KCNB2: variants seen among roughly 807,000 people sequenced by gnomAD.
The protein encoded by KCNB2 is potassium voltage-gated channel subfamily B member 2.
KCNB2 carries 15 observed loss-of-function variants against 61.5 expected under a neutral mutation model. That is an observed-to-expected ratio of 0.24 (90% CI 0.16 to 0.38). KCNB2 has a LOEUF of 0.38. KCNB2 is among the 10% of genes least tolerant of loss of function. The probability of loss-of-function intolerance (pLI) is 1.00; values close to 1 mark genes in which losing one functional copy is unlikely to be tolerated. For missense variants in KCNB2, 828 were observed against 1,125.2 expected (o/e 0.74, Z 3.78); for synonymous variants, 457 against 446.0 (o/e 1.02, Z -0.31).
At chr8:72,916,328 G>A (rs1228961953) in intron 2 of KCNB2, among the ~76,000 whole-genome samples, 1 of 152,182 alleles carries the variant, frequency 6.6e-6, no homozygotes, top group African/African-American at 2.4e-5. Context: ...CACAGATGCT[G>A]GAACTAGCCA....
intron 2 of KCNB2, among the ~76,000 whole-genome samples, chr8:72,712,036 T>C (rs976833243): frequency 6.6e-6 from 1 of 152,210 alleles, no homozygotes; most frequent in African/African-American, 2.4e-5. Flanking sequence ...TCCTAATGGA[T>C]TACTTATTTA....
chr8:72,837,261 C>T (rs1809798172), intron 2 of KCNB2, among the ~76,000 whole-genome samples: 1 of 152,204 alleles, frequency 6.6e-6, no homozygotes, highest in Non-Finnish European at 1.5e-5. Flanking sequence ...TTCACACTAC[C>T]TGGAGGTCTC....
chr8:72,926,260 A>G (rs73319472), intron 2 of KCNB2, among the ~76,000 whole-genome samples: 7,741 of 152,256 alleles, frequency 0.051, 620 homozygotes, highest in African/African-American at 0.18. Context: ...GTTGAAGGAA[A>G]AAGAGAAAGA....
intron 2 of KCNB2, among the ~76,000 whole-genome samples, chr8:72,717,941 T>G (rs907480663): frequency 1.3e-5 from 2 of 152,024 alleles, no homozygotes; most frequent in Non-Finnish European, 1.5e-5. Flanking sequence ...ATCCAGAATC[T>G]ACAATGAACT....
chr8:72,884,342 A>G (rs1805768126), intron 2 of KCNB2, among the ~76,000 whole-genome samples: 1 of 152,110 alleles, frequency 6.6e-6, no homozygotes, highest in African/African-American at 2.4e-5. Flanking sequence ...GTGCATCACA[A>G]ATAACTTCTC....
chr8:72,694,115 A>G (rs1806981870), intron 2 of KCNB2, among the ~76,000 whole-genome samples: 1 of 152,334 alleles, frequency 6.6e-6, no homozygotes, highest in South Asian at 2.1e-4. Flanking sequence ...TCATAACTAC[A>G]TCATGAACTA....
At chr8:72,715,910 G>A (rs1049139193) in intron 2 of KCNB2, among the ~76,000 whole-genome samples, 5 of 152,136 alleles carry the variant, frequency 3.3e-5, no homozygotes, top group African/African-American at 1.2e-4. Context: ...TTGATAGACT[G>A]CTAGCAAGAC....
At chr8:72,775,579 G>A (rs897714381) in intron 2 of KCNB2, among the ~76,000 whole-genome samples, 1 of 152,084 alleles carries the variant, frequency 6.6e-6, no homozygotes, top group Non-Finnish European at 1.5e-5. Context: ...TGCGTGACTT[G>A]ACTTCGTGAC....
intron 2 of KCNB2, among the ~76,000 whole-genome samples, chr8:72,821,935 A>T (rs947393542): frequency 6.6e-6 from 1 of 152,100 alleles, no homozygotes; most frequent in Non-Finnish European, 1.5e-5. Context: ...CCAGTCAGTT[A>T]CCAAGTCCAG....
intron 1 of KCNB2, among the ~76,000 whole-genome samples, chr8:72,542,629 T>A (rs16938235): frequency 0.14 from 21,237 of 152,116 alleles, 1,862 homozygotes; most frequent in East Asian, 0.48. Context: ...GAGACTCACT[T>A]GAGATACAGA....
At position 72,858,223 on chromosome 8, in the gene KCNB2, T is replaced by C. The variant is rs73686548; in HGVS notation, c.580-77712T>C. Among the ~76,000 whole-genome samples, 511 of 152,342 alleles carry C rather than the reference T, an allele frequency of 3.4e-3. 2 individuals are homozygous for C. Among genetic ancestry groups the C allele is most frequent in the African/African-American group, 0.011 (475 of 41,582 alleles). On this transcript the variant is annotated intron_variant, in intron 2 of 2. Coordinates refer to ENST00000523207, the MANE Select transcript of KCNB2 (RefSeq NM_004770.3). ...ATAAAAATCCACATTTATTACATTCTAGTTCAGATAGATAACATTTTTTAA... is the reference window on the plus strand; with the variant it reads ...ATAAAAATCCACATTTATTACATTCCAGTTCAGATAGATAACATTTTTTAA...
At chr8:72,642,941 G>A (rs1326359120) in intron 2 of KCNB2, among the ~76,000 whole-genome samples, 2 of 152,120 alleles carry the variant, frequency 1.3e-5, no homozygotes, top group Non-Finnish European at 2.9e-5. Context: ...AAAGCTTTTA[G>A]CCTTGTCAAG....
rs769048516 is a variant in KCNB2, at chr8:72,937,287, A to G, written c.1932A>G (p.Gln644=). 6 of 1,613,848 alleles carry G rather than the reference A, an allele frequency of 3.7e-6. No individual in the cohort carries two copies. In the Admixed American group the frequency reaches 6.7e-5, roughly 18 times the overall value. Residue 644 remains glutamine (Q), a synonymous_variant, in exon 3 of 3, where the codon CAA becomes CAG. Transcript: ENST00000523207. ...PTDLPGTEEH[Q]RARGPPFLTL... ...ACCTCCCAGGGACAGAAGAGCACCA[A>G]AGAGCTAGGGGCCCCCCGTTTCTAA...
chr8:72,786,697 C>A (rs749415827), intron 2 of KCNB2, among the ~76,000 whole-genome samples: 1 of 152,114 alleles, frequency 6.6e-6, no homozygotes, highest in Non-Finnish European at 1.5e-5. Flanking sequence ...TCTTCAGGGC[C>A]AGGAGAACTT....
chr8:72,909,493 G>A (rs1447176232), intron 2 of KCNB2, among the ~76,000 whole-genome samples: 3 of 152,150 alleles, frequency 2.0e-5, no homozygotes, highest in African/African-American at 7.2e-5. Context: ...AGATCACACA[G>A]TGCCTTGTAA....
In KCNB2 at chr8:72,707,387, A is replaced by G. The variant is rs147086391; in HGVS notation, c.579+139074A>G. 1.9e-3 allele frequency among the ~76,000 whole-genome samples: 295 copies of G among 152,288 alleles called. 2 individuals are homozygous for G. Among genetic ancestry groups the G allele is most frequent in the African/African-American group, 6.6e-3 (274 of 41,562 alleles). The stretch of plus-strand genomic sequence containing the variant: ...CCAAAGGAACCTCCTAATTGTCCCC[A>G]TATTTCGCTTCTCCTTTAACGACCT... On this transcript the variant is annotated intron_variant, in intron 2 of 2. Coordinates refer to ENST00000523207, the MANE Select transcript of KCNB2 (RefSeq NM_004770.3).
At chr8:72,586,790 G>A (rs1807006965) in intron 2 of KCNB2, among the ~76,000 whole-genome samples, 1 of 152,144 alleles carries the variant, frequency 6.6e-6, no homozygotes, top group African/African-American at 2.4e-5. Flanking sequence ...CTCGAAAAAA[G>A]AAGGCAAACT....
intron 2 of KCNB2, among the ~76,000 whole-genome samples, chr8:72,602,499 G>A (rs1390318346): frequency 1.3e-5 from 2 of 152,096 alleles, no homozygotes; most frequent in African/African-American, 4.8e-5. Context: ...TTCCATGTGA[G>A]AGATTAAATG....
At chr8:72,722,891 C>G (rs977560492) in intron 2 of KCNB2, among the ~76,000 whole-genome samples, 149 of 152,242 alleles carry the variant, frequency 9.8e-4, no homozygotes, top group African/African-American at 3.3e-3. Flanking sequence ...TACTCCAAGC[C>G]CTGTTCACAT....
Sources: allele counts gnomAD v4.1 joint callset (sites outside exome capture counted in the v4.1 genomes callset), GRCh38; gene constraint gnomAD v4.1.1; transcripts MANE v1.5; gene names NCBI Gene and HGNC (gene_info 2026-07-23, HGNC 2026-07-21).